The following INSC variants were observed in gnomAD, a reference collection of about 807,000 sequenced individuals.
The protein encoded by INSC is protein inscuteable homolog.
In INSC, 67 loss-of-function variants were observed where a neutral mutation model predicts 58.6. The observed-to-expected ratio is 1.14, with a 90% CI of 0.94 to 1.40. The LOEUF is 1.40. INSC is among the 40% of genes most tolerant of loss of function. The pLI, the probability that INSC is intolerant of heterozygous loss-of-function variation, is 0.00. For synonymous variants in INSC, 262 were observed against 276.1 expected (o/e 0.95, Z 0.51); for missense variants, 714 against 692.0 (o/e 1.03, Z -0.36).
intron 2 of INSC, among the ~76,000 whole-genome samples, chr11:15,170,240 G>A (rs973562166): frequency 6.6e-6 from 1 of 151,964 alleles, no homozygotes; most frequent in South Asian, 2.1e-4. Context: ...CTGTGGATAT[G>A]GAAAGCTGAC....
At chr11:15,216,874 G>A (rs1851239356) in intron 7 of INSC, among the ~76,000 whole-genome samples, 1 of 152,188 alleles carries the variant, frequency 6.6e-6, no homozygotes. Context: ...CACCAGGTGG[G>A]GAGGGGAGGG....
intron 2 of INSC, among the ~76,000 whole-genome samples, chr11:15,172,162 C>A (rs1476401573): frequency 1.3e-5 from 2 of 152,224 alleles, no homozygotes; most frequent in African/African-American, 4.8e-5. Context: ...AGTGCTTATG[C>A]AGTGAATGAG....
chr11:15,266,052 T>C, the INSC span, among the ~76,000 whole-genome samples: 1 of 151,904 alleles, frequency 6.6e-6, no homozygotes, highest in Admixed American at 6.6e-5. Context: ...GCTCAAGATT[T>C]GACATGATTT....
chr11:15,135,093 A>G (rs1345501074), intron 1 of INSC, among the ~76,000 whole-genome samples: 1 of 152,132 alleles, frequency 6.6e-6, no homozygotes, highest in African/African-American at 2.4e-5. Context: ...GAGGCATTGG[A>G]ATTACTTGGA....
At chr11:15,261,913 A>G in the INSC span, among the ~76,000 whole-genome samples, 1 of 152,162 alleles carries the variant, frequency 6.6e-6, no homozygotes, top group Non-Finnish European at 1.5e-5. Flanking sequence ...AATGGAGGTG[A>G]GGAAGATCAG....
At chr11:15,112,591 AGTGTGTGT>A (rs375142839), upstream of INSC, 7,540 of 366,782 alleles carry the variant, frequency 0.021, 101 homozygotes, top group East Asian at 0.068. Flanking sequence ...GGTGGATGTG[AGTGTGTGT>A]GTGTGTGTGT....
At chr11:15,166,551 G>T (rs1849202928) in intron 2 of INSC, among the ~76,000 whole-genome samples, 1 of 152,134 alleles carries the variant, frequency 6.6e-6, no homozygotes, top group Non-Finnish European at 1.5e-5. Flanking sequence ...CAGAGGATAG[G>T]GTGGGTTTGG....
chr11:15,112,586 A>ATGTGAGTGTG, upstream of INSC: 1 of 887,430 alleles, frequency 1.1e-6, no homozygotes, highest in Non-Finnish European at 1.6e-6. Flanking sequence ...GGGAAGGTGG[A>ATGTGAGTGTG]TGTGAGTGTG....
chr11:15,190,623 C>A, intron 5 of INSC, 78 bp from the exon 6 acceptor site: 1 of 949,334 alleles, frequency 1.1e-6, no homozygotes, highest in Non-Finnish European at 1.7e-6. Context: ...GGAGCATGGG[C>A]CCACTGGTGT....
At chr11:15,269,064 A>G in the INSC span, among the ~76,000 whole-genome samples, 1 of 152,060 alleles carries the variant, frequency 6.6e-6, no homozygotes, top group African/African-American at 2.4e-5. Context: ...TAAAATATCC[A>G]ATTAACTTGC....
chr11:15,117,140 C>G (rs1320422414), intron 1 of INSC, among the ~76,000 whole-genome samples: 1 of 151,352 alleles, frequency 6.6e-6, no homozygotes, highest in Non-Finnish European at 1.5e-5. Context: ...TGGGGTTTTT[C>G]CATGTTGGTC....
intron 1 of INSC, among the ~76,000 whole-genome samples, chr11:15,127,418 C>T (rs1848023176): frequency 6.6e-6 from 1 of 152,190 alleles, no homozygotes; most frequent in Non-Finnish European, 1.5e-5. Context: ...AGGGCTGAAG[C>T]TGGAGATTTC....
At chr11:15,218,667 C>T (rs983199968) in intron 7 of INSC, among the ~76,000 whole-genome samples, 7 of 152,012 alleles carry the variant, frequency 4.6e-5, no homozygotes, top group African/African-American at 1.7e-4. Context: ...GGAAGCAAGA[C>T]GATGGGCAAT....
intron 2 of INSC, among the ~76,000 whole-genome samples, chr11:15,160,380 GT>G (rs1388285155): frequency 2.6e-5 from 4 of 152,172 alleles, no homozygotes; most frequent in African/African-American, 9.7e-5. Flanking sequence ...TGGGACAATG[GT>G]TGGAAATAAG....
chr11:15,245,950 C>T lies in INSC; in HGVS notation c.1509C>T (p.Gly503=). ...LRRLAGVCPE[G]LQDSDFQQLV... is the part of the protein sequence containing the mutation. ...GATTGGCTGGGGTCTGCCCTGAAGG[C>T]CTCCAGGACTCTGACTTTCAGCAGT... Residue 503 remains glycine (G), a synonymous_variant, in exon 13 of 13, where the codon GGC becomes GGT. Transcript: ENST00000379556. 6.2e-7 allele frequency: 1 copy of T among 1,614,210 alleles called. No individual in the cohort carries two copies. Among genetic ancestry groups the T allele is most frequent in the Non-Finnish European group, 8.5e-7 (1 of 1,180,026 alleles).
chr11:15,257,253 C>T, the INSC span, among the ~76,000 whole-genome samples: 2 of 152,026 alleles, frequency 1.3e-5, no homozygotes, highest in African/African-American at 4.8e-5. Flanking sequence ...CATTTTGAAC[C>T]TTGTATATAT....
chr11:15,163,847 C>T (rs1040393228), intron 2 of INSC, among the ~76,000 whole-genome samples: 7 of 152,212 alleles, frequency 4.6e-5, no homozygotes, highest in African/African-American at 1.7e-4. Context: ...CTCGGCCTCC[C>T]AGAGTGCTGG....
At chr11:15,171,887 T>G (rs753866471) in intron 2 of INSC, among the ~76,000 whole-genome samples, 1 of 152,182 alleles carries the variant, frequency 6.6e-6, no homozygotes, top group Non-Finnish European at 1.5e-5. Context: ...GGGCAAGGAA[T>G]TGGATTAGTG....
the INSC span, among the ~76,000 whole-genome samples, chr11:15,257,686 G>C: frequency 6.6e-6 from 1 of 152,120 alleles, no homozygotes; most frequent in African/African-American, 2.4e-5. Context: ...CTTTTTATAA[G>C]AGGAGATTTG....
Sources: gnomAD v4.1 joint callset for allele counts (sites outside exome capture counted in the v4.1 genomes callset) on GRCh38, gnomAD v4.1.1 for gene constraint, MANE v1.5 for transcripts, NCBI Gene and HGNC (gene_info 2026-07-23, HGNC 2026-07-21) for gene names.